ANO6: variants seen among roughly 807,000 people sequenced by gnomAD.
ANO6 encodes anoctamin 6.
ANO6 carries 106 observed loss-of-function variants against 117.5 expected under a neutral mutation model. The observed-to-expected ratio is 0.90, with a 90% CI of 0.77 to 1.06. The LOEUF (loss-of-function observed/expected upper bound fraction) is 1.06, where lower values mean the gene tolerates loss of function less well. Among genes scored for constraint, ANO6 ranks in the 50% least tolerant of loss-of-function variants. The pLI is 0.00. For synonymous variants in ANO6, 367 were observed against 385.1 expected, an observed-to-expected ratio of 0.95 and a Z score of 0.55; for missense variants, 955 against 1,121.1, an observed-to-expected ratio of 0.85 and a Z score of 2.12.
At chr12:45,308,428 G>A (rs978533750) in intron 2 of ANO6, among the ~76,000 whole-genome samples, 1 of 152,068 alleles carries the variant, frequency 6.6e-6, no homozygotes, top group African/African-American at 2.4e-5. Flanking sequence ...GAAATGGAAA[G>A]CAAGGCATTA....
chr12:45,381,431 C>T (rs745624895), intron 10 of ANO6, among the ~76,000 whole-genome samples: 8 of 152,134 alleles, frequency 5.3e-5, no homozygotes, highest in Non-Finnish European at 1.0e-4. Context: ...GCAAAAGATA[C>T]GGAACAGAAA....
chr12:45,381,420 A>G (rs1169248010), intron 10 of ANO6, among the ~76,000 whole-genome samples: 1 of 152,150 alleles, frequency 6.6e-6, no homozygotes, highest in African/African-American at 2.4e-5. Flanking sequence ...AGGGGGAGAG[A>G]GCAAAAGATA....
At chr12:45,310,354 A>C (rs1939809181) in intron 2 of ANO6, among the ~76,000 whole-genome samples, 2 of 152,216 alleles carry the variant, frequency 1.3e-5, no homozygotes, top group Middle Eastern at 6.8e-3. Flanking sequence ...TGAACACTCT[A>C]ATCTTATTTT....
chr12:45,378,039 T>C lies in ANO6; in HGVS notation c.1105-14T>C, dbSNP rs758825762. ...GAGGATATGACTCATTTATATGTCA[T>C]TTATATTTTCCAGAAATTGTGCATC... is the stretch of plus-strand genomic sequence containing the variant. On this transcript the variant is annotated splice_polypyrimidine_tract_variant and intron_variant, in intron 9 of 19. Transcript: ENST00000320560. The C allele has an allele frequency of 3.7e-6, 6 of 1,607,630 alleles. No homozygotes were observed. The highest frequency in any genetic ancestry group is 3.3e-4 in the Middle Eastern group (2 of 6,038).
At chr12:45,439,534 G>C (rs894335447) in intron 19 of ANO6, 4 of 661,712 alleles carry the variant, frequency 6.0e-6, no homozygotes, top group Non-Finnish European at 9.0e-6. Context: ...GGACATGAGG[G>C]CATTTGAATT....
chr12:45,422,829 C>G, intron 18 of ANO6, 128 bp from the exon 19 acceptor site: 1 of 753,930 alleles, frequency 1.3e-6, no homozygotes, highest in Non-Finnish European at 2.4e-6. Flanking sequence ...ATGCCTCAGC[C>G]TCCCAAAGTG....
chr12:45,440,095 A>G (rs1030993057), exon 20 of ANO6: 9 of 680,916 alleles, frequency 1.3e-5, no homozygotes, highest in African/African-American at 3.7e-5. Flanking sequence ...TTTGAGCTGC[A>G]ACCCACAAGC....
intron 9 of ANO6, among the ~76,000 whole-genome samples, chr12:45,373,664 G>A (rs1941915104): frequency 6.6e-6 from 1 of 152,110 alleles, no homozygotes; most frequent in Non-Finnish European, 1.5e-5. Flanking sequence ...TGAAACCAAT[G>A]AGAACAAAGA....
At chr12:45,299,425 GT>G (rs1749436937) in intron 1 of ANO6, among the ~76,000 whole-genome samples, 1 of 152,174 alleles carries the variant, frequency 6.6e-6, no homozygotes, top group African/African-American at 2.4e-5. Flanking sequence ...CACATAGGGT[GT>G]CCTCTAATGA....
chr12:45,398,851 AT>A (rs1158737020), intron 12 of ANO6, among the ~76,000 whole-genome samples: 1 of 152,126 alleles, frequency 6.6e-6, no homozygotes, highest in African/African-American at 2.4e-5. Context: ...TAGTAGATAA[AT>A]TTTTTCCTAT....
downstream of ANO6, among the ~76,000 whole-genome samples, chr12:45,433,801 C>T (rs1045196981): frequency 1.3e-5 from 2 of 152,182 alleles, no homozygotes; most frequent in Non-Finnish European, 2.9e-5. Context: ...CCAGAGCCTT[C>T]GGATTCCATG....
intron 2 of ANO6, among the ~76,000 whole-genome samples, chr12:45,320,799 C>T (rs923020607): frequency 1.3e-5 from 2 of 152,136 alleles, no homozygotes; most frequent in African/African-American, 4.8e-5. Context: ...AATCTGGGTG[C>T]TCCTGTATTG....
chr12:45,266,080 A>C (rs1331486480), intron 1 of ANO6, among the ~76,000 whole-genome samples: 1 of 152,182 alleles, frequency 6.6e-6, no homozygotes. Flanking sequence ...TTCAAGGCAA[A>C]AGTGATTCCA....
intron 1 of ANO6, among the ~76,000 whole-genome samples, chr12:45,245,056 C>G (rs1182547583): frequency 6.6e-6 from 1 of 152,206 alleles, no homozygotes; most frequent in Admixed American, 6.5e-5. Context: ...CAGCTAAGAA[C>G]TGCCCTCTCC....
At chr12:45,427,320 G>A (rs1479814525) in intron 19 of ANO6, among the ~76,000 whole-genome samples, 2 of 152,038 alleles carry the variant, frequency 1.3e-5, no homozygotes, top group Admixed American at 6.6e-5. Flanking sequence ...ATCCAGCCAC[G>A]CCCCAGTGCC....
At chr12:45,332,938 C>T (rs1363787959) in intron 3 of ANO6, among the ~76,000 whole-genome samples, 1 of 151,870 alleles carries the variant, frequency 6.6e-6, no homozygotes, top group African/African-American at 2.4e-5. Flanking sequence ...AGCTATGTGA[C>T]TTAGGCAAAT....
At chr12:45,280,959 C>A (rs972245005) in intron 1 of ANO6, among the ~76,000 whole-genome samples, 2 of 152,040 alleles carry the variant, frequency 1.3e-5, no homozygotes, top group Non-Finnish European at 2.9e-5. Context: ...CTTTGCTTCT[C>A]CCATCTGTCA....
At chr12:45,388,507 C>T (rs774205160) in intron 11 of ANO6, among the ~76,000 whole-genome samples, 17 of 151,858 alleles carry the variant, frequency 1.1e-4, no homozygotes, top group Non-Finnish European at 1.8e-4. Context: ...TGATGTGCAG[C>T]CAAAGTGAAG....
At chr12:45,337,696 G>A (rs1429751420) in intron 3 of ANO6, among the ~76,000 whole-genome samples, 2 of 151,972 alleles carry the variant, frequency 1.3e-5, no homozygotes, top group Non-Finnish European at 2.9e-5. Flanking sequence ...ATTTTAGTTA[G>A]ATAAGAGGGA....
Sources: gnomAD v4.1 joint callset for allele counts (sites outside exome capture counted in the v4.1 genomes callset) on GRCh38, gnomAD v4.1.1 for gene constraint, MANE v1.5 for transcripts, NCBI Gene and HGNC (gene_info 2026-07-23, HGNC 2026-07-21) for gene names.